The following TEX11 variants were observed in gnomAD, a reference collection of about 807,000 sequenced individuals.
The protein encoded by TEX11 is testis-expressed protein 11.
Under a neutral mutation model 84.4 loss-of-function variants are expected in TEX11, and 7 were observed. The ratio of observed to expected loss-of-function variants is 0.08; its 90% CI spans 0.05 to 0.16. The LOEUF (loss-of-function observed/expected upper bound fraction) is 0.16. TEX11 is among the 10% of genes least tolerant of loss of function. TEX11 has a pLI of 1.00. For missense variants in TEX11, 551 were observed against 660.5 expected (o/e 0.83, Z 1.82); for synonymous variants, 264 against 222.8 (o/e 1.18, Z -1.64).
At chrX:70,698,980 G>C (rs2090304246) in intron 13 of TEX11, among the ~76,000 whole-genome samples, 1 of 111,502 alleles carries the variant, frequency 9.0e-6, no homozygotes, top group South Asian at 3.8e-4. Context: ...ATCTAGACTG[G>C]CTCTGTGACT....
downstream of TEX11, among the ~76,000 whole-genome samples, chrX:70,527,551 G>A (rs1390208843): frequency 8.9e-6 from 1 of 112,292 alleles, no homozygotes; most frequent in African/African-American, 3.2e-5. Flanking sequence ...GTTTGTAGGA[G>A]ATGGTAGAAG....
At chrX:70,767,886 A>C (rs2090950508) in intron 9 of TEX11, among the ~76,000 whole-genome samples, 1 of 111,693 alleles carries the variant, frequency 9.0e-6, no homozygotes, top group Admixed American at 9.6e-5. Context: ...AAAGACAAAC[A>C]TCACATGTTC....
chrX:70,609,863 G>T (rs904026618), intron 21 of TEX11, among the ~76,000 whole-genome samples: 1 of 110,512 alleles, frequency 9.0e-6, no homozygotes, highest in Non-Finnish European at 1.9e-5. Context: ...AAAAAAGCAT[G>T]TAGTTAGAAA....
At chrX:70,700,723 C>G (rs745481930) in intron 13 of TEX11, among the ~76,000 whole-genome samples, 214 of 112,205 alleles carry the variant, frequency 1.9e-3, no homozygotes, top group African/African-American at 6.8e-3. Context: ...ATGTTGAAAG[C>G]CAAGCTAGGC....
At chrX:70,582,795 G>C (rs2088796809) in intron 25 of TEX11, among the ~76,000 whole-genome samples, 1 of 105,722 alleles carries the variant, frequency 9.5e-6, no homozygotes, top group African/African-American at 3.5e-5. Flanking sequence ...TCCCAGGCTG[G>C]AGTGCAGTGG....
chrX:70,780,343 AG>A (rs1374383042), intron 9 of TEX11, among the ~76,000 whole-genome samples: 1 of 112,791 alleles, frequency 8.9e-6, no homozygotes, highest in African/African-American at 3.2e-5. Context: ...TTCCATTCAA[AG>A]ATGGCCAAAT....
At chrX:70,715,220 T>C (rs760807531) in intron 13 of TEX11, among the ~76,000 whole-genome samples, 1 of 104,723 alleles carries the variant, frequency 9.5e-6, no homozygotes, top group Non-Finnish European at 1.9e-5. Context: ...CTGGCTTCAC[T>C]TAACATTTTT....
chrX:70,564,203 T>A (rs1051548128), intron 25 of TEX11, among the ~76,000 whole-genome samples: 1 of 111,892 alleles, frequency 8.9e-6, no homozygotes, highest in African/African-American at 3.2e-5. Flanking sequence ...CGCTCCAGCC[T>A]GGGCGACAGA....
intron 25 of TEX11, among the ~76,000 whole-genome samples, chrX:70,559,477 G>A (rs73538768): frequency 1.8e-5 from 2 of 112,205 alleles, no homozygotes; most frequent in African/African-American, 6.5e-5. Context: ...TTCCAAAATT[G>A]ATTGTCAGTG....
intron 13 of TEX11, among the ~76,000 whole-genome samples, chrX:70,709,468 A>G (rs2090406706): frequency 9.0e-6 from 1 of 111,512 alleles, no homozygotes; most frequent in South Asian, 3.7e-4. Flanking sequence ...AGTACGTATT[A>G]TTACATTATC....
intron 16 of TEX11, among the ~76,000 whole-genome samples, chrX:70,668,006 CAA>C (rs750644168): frequency 1.8e-5 from 2 of 111,193 alleles, no homozygotes; most frequent in African/African-American, 3.3e-5. Flanking sequence ...GGTCCCCAGA[CAA>C]AGTTACTTCT....
intron 20 of TEX11, among the ~76,000 whole-genome samples, chrX:70,620,023 A>G (rs866247700): frequency 2.1e-4 from 23 of 110,023 alleles, no homozygotes; most frequent in African/African-American, 7.0e-4. Flanking sequence ...ATGGGGTTTC[A>G]CTGTGTCAGC....
At chrX:70,797,770 A>T (rs2091164110) in intron 9 of TEX11, among the ~76,000 whole-genome samples, 1 of 105,165 alleles carries the variant, frequency 9.5e-6, no homozygotes, top group African/African-American at 3.5e-5. Flanking sequence ...TCATCTTGAT[A>T]GATGCAGAAA....
intron 8 of TEX11, among the ~76,000 whole-genome samples, chrX:70,813,161 A>G (rs775091945): frequency 8.9e-6 from 1 of 111,863 alleles, no homozygotes; most frequent in East Asian, 2.8e-4. Context: ...AGAATTTTAG[A>G]CCAATAACCC....
chrX:70,553,164 A>G (rs995259233), intron 27 of TEX11, 142 bp downstream of exon 27: 1 of 340,654 alleles, frequency 2.9e-6, no homozygotes, highest in Non-Finnish European at 5.2e-6. Flanking sequence ...TACAACTCTC[A>G]GTATGGAGCT....
rs767439893 is a variant in TEX11, at chrX:70,880,025, A to C, written c.122T>G (p.Ile41Ser). 2 of 1,190,931 alleles carry C rather than the reference A, an allele frequency of 1.7e-6. No homozygotes were observed. The highest frequency in any genetic ancestry group is 2.3e-6 in the Non-Finnish European group (2 of 879,985). The stretch of plus-strand genomic sequence containing the variant: ...TATTTCAGCCATAGACTCCCTGTTG[A>C]TATTTGCTATGTCGCTGAAGAGTCT... ...IDRLFSDIANINRESMAEITD... is the reference protein window; with the variant it reads ...IDRLFSDIANSNRESMAEITD... The change falls in exon 3 of 30, where the codon ATC becomes AGC. Residue 41 changes from isoleucine to serine, a missense_variant. By Grantham distance (142) the Ile-to-Ser change is moderately radical. Transcript: ENST00000374333.
At chrX:70,805,406 C>CT (rs776518885) in intron 9 of TEX11, among the ~76,000 whole-genome samples, 2,110 of 99,498 alleles carry the variant, frequency 0.021, 38 homozygotes, top group African/African-American at 0.065. Context: ...ATTTTTTTTT[C>CT]TTTTTTTTTT....
intron 9 of TEX11, among the ~76,000 whole-genome samples, chrX:70,769,929 C>G (rs1234057228): frequency 9.0e-6 from 1 of 111,561 alleles, no homozygotes; most frequent in East Asian, 2.8e-4. Flanking sequence ...TATGTAAACC[C>G]TTAGCTTTTC....
At chrX:70,855,674 A>G (rs1398964899) in intron 5 of TEX11, among the ~76,000 whole-genome samples, 1 of 111,597 alleles carries the variant, frequency 9.0e-6, no homozygotes, top group Non-Finnish European at 1.9e-5. Flanking sequence ...GTATTTGCAG[A>G]TAGGGGCTTT....
Sources: gnomAD v4.1 joint callset for allele counts (sites outside exome capture counted in the v4.1 genomes callset) on GRCh38, gnomAD v4.1.1 for gene constraint, MANE v1.5 for transcripts, NCBI Gene and HGNC (gene_info 2026-07-23, HGNC 2026-07-21) for gene names.